The following GAS2 variants were observed in gnomAD, a reference collection of about 807,000 sequenced individuals.
GAS2 encodes the protein growth arrest specific 2, also known as growth arrest-specific protein 2.
In GAS2, 20 loss-of-function variants were observed where a neutral mutation model predicts 37.5. The observed-to-expected ratio is 0.53, with a 90% CI of 0.37 to 0.77. The LOEUF is 0.77. Among genes scored for constraint, GAS2 ranks in the 30% least tolerant of loss-of-function variants. The pLI, the probability that GAS2 is intolerant of heterozygous loss-of-function variation, is 0.00. For missense variants in GAS2, 336 were observed against 373.4 expected (o/e 0.90, Z 0.82); for synonymous variants, 144 against 132.2 (o/e 1.09, Z -0.61).
intron 6 of GAS2, among the ~76,000 whole-genome samples, chr11:22,755,245 A>C (rs912749727): frequency 6.6e-6 from 1 of 152,072 alleles, no homozygotes; most frequent in Non-Finnish European, 1.5e-5. Context: ...ATGGTCAAAG[A>C]AGTAGGGTTT....
chr11:22,800,455 G>C (rs891441113), intron 7 of GAS2, among the ~76,000 whole-genome samples: 8 of 151,980 alleles, frequency 5.3e-5, no homozygotes, highest in African/African-American at 1.7e-4. Flanking sequence ...TTAAGAAGGC[G>C]GTAGCATGTT....
At chr11:22,646,685 G>T (rs1260878077) in intron 1 of GAS2, among the ~76,000 whole-genome samples, 1 of 152,094 alleles carries the variant, frequency 6.6e-6, no homozygotes, top group Non-Finnish European at 1.5e-5. Context: ...CTGTTAAATT[G>T]TATTTTTATG....
intron 2 of GAS2, among the ~76,000 whole-genome samples, chr11:22,683,114 A>T (rs111898628): frequency 0.026 from 4,006 of 152,094 alleles, 75 homozygotes; most frequent in East Asian, 0.067. Context: ...GGGCTAAAAT[A>T]TGAACTACTT....
chr11:22,648,180 A>G (rs2133826914), intron 1 of GAS2, among the ~76,000 whole-genome samples: 1 of 152,240 alleles, frequency 6.6e-6, no homozygotes. Context: ...TTAAATAGGG[A>G]ATCCTTTCCC....
At chr11:22,777,373 C>G (rs749800796) in intron 7 of GAS2, among the ~76,000 whole-genome samples, 56 of 152,074 alleles carry the variant, frequency 3.7e-4, no homozygotes, top group Non-Finnish European at 6.8e-4. Flanking sequence ...GTTAATTACA[C>G]AAATAAAATA....
At chr11:22,652,609 G>A (rs1590574018) in intron 1 of GAS2, among the ~76,000 whole-genome samples, 3 of 152,326 alleles carry the variant, frequency 2.0e-5, no homozygotes, top group African/African-American at 4.8e-5. Flanking sequence ...CCAGGTGGGG[G>A]ATATAATCTC....
intron 6 of GAS2, among the ~76,000 whole-genome samples, chr11:22,750,803 C>A (rs571486508): frequency 5.9e-4 from 90 of 151,926 alleles, no homozygotes; most frequent in African/African-American, 2.0e-3. Flanking sequence ...TTCCCTGGGG[C>A]AAATATACTT....
intron 7 of GAS2, among the ~76,000 whole-genome samples, chr11:22,769,054 A>G (rs1271786197): frequency 6.6e-6 from 1 of 152,206 alleles, no homozygotes; most frequent in Non-Finnish European, 1.5e-5. Context: ...AATGAGGTCC[A>G]GGGTTAATAG....
intron 3 of GAS2, among the ~76,000 whole-genome samples, chr11:22,710,422 A>G (rs1298440728): frequency 6.6e-6 from 1 of 152,058 alleles, no homozygotes; most frequent in Non-Finnish European, 1.5e-5. Flanking sequence ...TTATGATGTC[A>G]TGGAACATGC....
intron 3 of GAS2, among the ~76,000 whole-genome samples, chr11:22,706,646 C>T (rs1851137672): frequency 6.6e-6 from 1 of 152,098 alleles, no homozygotes; most frequent in South Asian, 2.1e-4. Context: ...CATCCATGTC[C>T]CTACAAAGGA....
chr11:22,722,780 G>T (rs1021604489), intron 3 of GAS2, among the ~76,000 whole-genome samples: 2 of 151,836 alleles, frequency 1.3e-5, no homozygotes, highest in African/African-American at 4.8e-5. Flanking sequence ...TGAGGAGGCA[G>T]TCTAACAATT....
intron 7 of GAS2, among the ~76,000 whole-genome samples, chr11:22,797,514 G>A (rs529985635): frequency 6.6e-6 from 1 of 152,108 alleles, no homozygotes; most frequent in South Asian, 2.1e-4. Flanking sequence ...AAAGATTTGA[G>A]GATTACATCT....
chr11:22,720,132 T>G (rs1472366274), intron 3 of GAS2, among the ~76,000 whole-genome samples: 1 of 152,104 alleles, frequency 6.6e-6, no homozygotes, highest in East Asian at 1.9e-4. Flanking sequence ...AAAGGTGTAC[T>G]AAAACTCTGC....
intron 3 of GAS2, among the ~76,000 whole-genome samples, chr11:22,701,364 T>G (rs1850831704): frequency 6.6e-6 from 1 of 152,112 alleles, no homozygotes; most frequent in South Asian, 2.1e-4. Flanking sequence ...GATGATGTTA[T>G]TGGCTGTGGG....
intron 7 of GAS2, among the ~76,000 whole-genome samples, chr11:22,793,256 A>C (rs1246785978): frequency 1.3e-5 from 2 of 152,194 alleles, no homozygotes; most frequent in Non-Finnish European, 2.9e-5. Flanking sequence ...CCTGGATGAC[A>C]AGAGTGAAAC....
chr11:22,802,250 T>C (rs1012720762), intron 7 of GAS2, among the ~76,000 whole-genome samples: 1 of 151,864 alleles, frequency 6.6e-6, no homozygotes, highest in Non-Finnish European at 1.5e-5. Flanking sequence ...CAGGTGGGAA[T>C]TGAACAATGA....
chr11:22,702,952 G>A (rs1304584725), intron 3 of GAS2, among the ~76,000 whole-genome samples: 2 of 152,096 alleles, frequency 1.3e-5, no homozygotes, highest in Non-Finnish European at 2.9e-5. Context: ...TTTTGTCTGT[G>A]AGCTCAAACC....
intron 3 of GAS2, among the ~76,000 whole-genome samples, chr11:22,689,349 G>A (rs1850122138): frequency 6.6e-6 from 1 of 152,124 alleles, no homozygotes; most frequent in East Asian, 1.9e-4. Context: ...TTGATCTGAG[G>A]TAAAAGTTGA....
At chr11:22,702,776 T>C (rs1006711801) in intron 3 of GAS2, 1 of 152,132 alleles carries the variant, frequency 6.6e-6, no homozygotes. Flanking sequence ...GGGAAGAGTA[T>C]GTCTAGCCCT....
Sources: gnomAD v4.1 joint callset for allele counts (sites outside exome capture counted in the v4.1 genomes callset) on GRCh38, gnomAD v4.1.1 for gene constraint, MANE v1.5 for transcripts, NCBI Gene and HGNC (gene_info 2026-07-23, HGNC 2026-07-21) for gene names.